The following CNTN5 variants were observed in gnomAD, a reference collection of about 807,000 sequenced individuals.
The protein encoded by CNTN5 is contactin-5.
Under a neutral mutation model 129.1 loss-of-function variants are expected in CNTN5, and 77 were observed. That is an observed-to-expected ratio of 0.60 (90% CI 0.50 to 0.72). The LOEUF is 0.72. CNTN5 is among the 30% of genes least tolerant of loss of function. CNTN5 has a pLI of 0.00. For synonymous variants in CNTN5, 509 were observed against 465.6 expected (o/e 1.09, Z -1.20); for missense variants, 1,478 against 1,328.8 (o/e 1.11, Z -1.75).
At chr11:99,750,032 A>G (rs1216099780) in intron 3 of CNTN5, among the ~76,000 whole-genome samples, 1 of 152,224 alleles carries the variant, frequency 6.6e-6, no homozygotes, top group Non-Finnish European at 1.5e-5. Context: ...GAACTACAGC[A>G]TAGCCACTTA....
chr11:100,296,686 C>T (rs1951105979), intron 18 of CNTN5, among the ~76,000 whole-genome samples: 1 of 151,552 alleles, frequency 6.6e-6, no homozygotes, highest in Non-Finnish European at 1.5e-5. Context: ...AATTTGTTTT[C>T]TTCCTTTCCA....
chr11:100,276,772 G>T (rs536868107), intron 18 of CNTN5, among the ~76,000 whole-genome samples: 74 of 151,876 alleles, frequency 4.9e-4, no homozygotes, highest in African/African-American at 1.7e-3. Context: ...GATAAATAGG[G>T]TATTCATCCC....
intron 7 of CNTN5, among the ~76,000 whole-genome samples, chr11:99,921,056 C>T (rs1949926705): frequency 6.6e-6 from 1 of 152,060 alleles, no homozygotes; most frequent in African/African-American, 2.4e-5. Context: ...GAAAGAAAGC[C>T]CTCATCAGAA....
At chr11:100,041,508 T>A (rs1467550529) in intron 9 of CNTN5, among the ~76,000 whole-genome samples, 1 of 152,194 alleles carries the variant, frequency 6.6e-6, no homozygotes, top group Non-Finnish European at 1.5e-5. Context: ...ACTTTCAAAC[T>A]TACTCTTGTT....
chr11:99,091,691 G>C (rs1591176671), intron 1 of CNTN5, among the ~76,000 whole-genome samples: 1 of 152,130 alleles, frequency 6.6e-6, no homozygotes, highest in South Asian at 2.1e-4. Flanking sequence ...AACTTACTTT[G>C]GCTTCTTTTT....
At chr11:100,074,383 C>A (rs1390888481) in intron 13 of CNTN5, 89 bp downstream of exon 13, 3 of 1,113,254 alleles carry the variant, frequency 2.7e-6, no homozygotes, top group African/African-American at 1.6e-5. Flanking sequence ...AAGAGTCTTG[C>A]AGTACCGTGA....
chr11:99,787,094 T>G (rs1291844926), intron 3 of CNTN5, among the ~76,000 whole-genome samples: 7 of 151,082 alleles, frequency 4.6e-5, no homozygotes, highest in Non-Finnish European at 4.4e-5. Context: ...CTACATGTTT[T>G]TTTTTTGTTT....
At chr11:99,523,913 A>G (rs1166198220) in intron 2 of CNTN5, among the ~76,000 whole-genome samples, 2 of 152,190 alleles carry the variant, frequency 1.3e-5, no homozygotes, top group Non-Finnish European at 2.9e-5. Flanking sequence ...ACAAGCAGTC[A>G]TTAATTTGCA....
chr11:99,472,434 C>T (rs80062069), intron 2 of CNTN5, among the ~76,000 whole-genome samples: 2,348 of 152,116 alleles, frequency 0.015, 71 homozygotes, highest in African/African-American at 0.053. Context: ...GTAAACTTGC[C>T]TCAAATCACC....
intron 1 of CNTN5, among the ~76,000 whole-genome samples, chr11:99,131,934 A>G (rs962325960): frequency 1.3e-5 from 2 of 152,206 alleles, no homozygotes; most frequent in African/African-American, 4.8e-5. Flanking sequence ...AAAACCTAGC[A>G]GAGATGCAAC....
At chr11:99,356,332 A>G (rs1194415057) in intron 2 of CNTN5, among the ~76,000 whole-genome samples, 1 of 152,170 alleles carries the variant, frequency 6.6e-6, no homozygotes, top group Non-Finnish European at 1.5e-5. Context: ...TTGAGCATTT[A>G]CTATGTGATT....
intron 1 of CNTN5, among the ~76,000 whole-genome samples, chr11:99,313,608 A>G (rs1447973712): frequency 6.6e-6 from 1 of 152,094 alleles, no homozygotes; most frequent in Non-Finnish European, 1.5e-5. Context: ...TGTATACGAA[A>G]TAAAATATAC....
chr11:99,937,159 ATGT>A (rs1950333960), intron 7 of CNTN5, among the ~76,000 whole-genome samples: 1 of 152,210 alleles, frequency 6.6e-6, no homozygotes, highest in African/African-American at 2.4e-5. Flanking sequence ...TTTACAAAAC[ATGT>A]TGTTAAGCAG....
chr11:99,921,647 T>A (rs66460630), intron 7 of CNTN5, among the ~76,000 whole-genome samples: 12 of 152,142 alleles, frequency 7.9e-5, no homozygotes, highest in South Asian at 2.1e-4. Context: ...ATAGTTTGTC[T>A]CCTTCGGTTA....
At chr11:99,470,729 G>C (rs771530007) in intron 2 of CNTN5, among the ~76,000 whole-genome samples, 1 of 151,936 alleles carries the variant, frequency 6.6e-6, no homozygotes, top group Non-Finnish European at 1.5e-5. Flanking sequence ...ATTCTGAAGA[G>C]GATACCCAAT....
intron 15 of CNTN5, among the ~76,000 whole-genome samples, chr11:100,195,231 T>C (rs1217492966): frequency 6.6e-6 from 1 of 152,012 alleles, no homozygotes; most frequent in African/African-American, 2.4e-5. Flanking sequence ...ACATCCCTTT[T>C]GAGTGATCAC....
chr11:99,921,513 C>A (rs1179572977), intron 7 of CNTN5, among the ~76,000 whole-genome samples: 13 of 152,136 alleles, frequency 8.5e-5, no homozygotes, highest in African/African-American at 2.9e-4. Context: ...CTCCACAATT[C>A]GTTTCTCCAT....
In CNTN5 at chr11:99,632,007, A is replaced by T. The variant is rs1396455064; in HGVS notation, c.55+75738A>T. On this transcript the variant is annotated intron_variant, in intron 3 of 24. Coordinates refer to ENST00000524871, the MANE Select transcript of CNTN5 (RefSeq NM_014361.4). ...CCTAACTTATAAATTAAACTTTATC[A>T]TAGGAAGAACATATGTATAGGAAGA... Among the ~76,000 whole-genome samples the T allele has an allele frequency of 2.6e-5, 4 of 152,142 alleles. No individual in the cohort carries two copies. The East Asian group carries it at 7.7e-4, about 29-fold the overall frequency.
chr11:99,963,059 C>A (rs1388278745), intron 8 of CNTN5, among the ~76,000 whole-genome samples: 1 of 152,076 alleles, frequency 6.6e-6, no homozygotes, highest in Non-Finnish European at 1.5e-5. Flanking sequence ...TGGATATTAG[C>A]CCTTTGTCAG....
Sources: gnomAD v4.1 joint callset for allele counts (sites outside exome capture counted in the v4.1 genomes callset) on GRCh38, gnomAD v4.1.1 for gene constraint, MANE v1.5 for transcripts, NCBI Gene and HGNC (gene_info 2026-07-23, HGNC 2026-07-21) for gene names.